Variants in ANO3 observed in about 807,000 individuals in gnomAD.
The protein encoded by ANO3 is anoctamin 3.
In ANO3, 99 loss-of-function variants were observed where a neutral mutation model predicts 144.8. The observed-to-expected ratio is 0.68, with a 90% CI of 0.58 to 0.81. The LOEUF is 0.81. Among genes scored for constraint, ANO3 ranks in the 30% least tolerant of loss-of-function variants. The probability of loss-of-function intolerance (pLI) is 0.00; values close to 1 mark genes in which losing one functional copy is unlikely to be tolerated. For synonymous variants in ANO3, 414 were observed against 392.6 expected (o/e 1.05, Z -0.64); for missense variants, 905 against 1,202.2 (o/e 0.75, Z 3.66).
At chr11:26,628,341 T>A (rs1852660977) in intron 18 of ANO3, among the ~76,000 whole-genome samples, 1 of 152,164 alleles carries the variant, frequency 6.6e-6, no homozygotes, top group South Asian at 2.1e-4. Context: ...AACAGAGAAA[T>A]TAACAGTAAA....
chr11:26,490,013 A>T (rs542828638), intron 4 of ANO3, among the ~76,000 whole-genome samples: 1 of 152,172 alleles, frequency 6.6e-6, no homozygotes. Context: ...TGAGGACATG[A>T]GATTTGGAGG....
intron 3 of ANO3, 22 bp downstream of exon 3, chr11:26,443,858 A>C (rs563199865): frequency 6.5e-7 from 1 of 1,536,294 alleles, no homozygotes; most frequent in South Asian, 1.2e-5. Context: ...ATCAGTATTT[A>C]CCTACTCCTT....
chr11:26,608,187 G>A (rs984473303), intron 17 of ANO3, among the ~76,000 whole-genome samples: 11 of 152,096 alleles, frequency 7.2e-5, no homozygotes, highest in African/African-American at 2.2e-4. Context: ...CAATGGTCAG[G>A]TCTCTCTTCT....
In ANO3 at chr11:26,598,902, G is replaced by A; in HGVS notation, c.1575G>A (p.Glu525=). The change falls in exon 16 of 27, where the codon GAG becomes GAA. Residue 525 remains glutamate (E), a synonymous_variant. Transcript: ENST00000256737. ...PQFEAKYYKM[E]IVNPITGKPE... is the part of the protein sequence containing the mutation. ...TTGAAGCCAAGTATTACAAGATGGA[G>A]ATTGTAAATCCCATCACGGGAAAAC... The A allele has an allele frequency of 6.2e-7, 1 of 1,613,858 alleles. No homozygotes were observed. Among genetic ancestry groups the A allele is most frequent in the Non-Finnish European group, 8.5e-7 (1 of 1,179,818 alleles).
chr11:26,295,244 T>C (rs978237049), intron 1 of ANO3, among the ~76,000 whole-genome samples: 7 of 152,204 alleles, frequency 4.6e-5, no homozygotes, highest in African/African-American at 1.7e-4. Flanking sequence ...CATTATTTTA[T>C]AACCCTCTTA....
At chr11:26,550,973 A>AT (rs1452770376) in intron 12 of ANO3, among the ~76,000 whole-genome samples, 2 of 151,850 alleles carry the variant, frequency 1.3e-5, no homozygotes, top group African/African-American at 4.8e-5. Context: ...GTGTGAGGTG[A>AT]TTTTTTATTG....
chr11:26,445,130 T>C (rs950779212), intron 3 of ANO3, among the ~76,000 whole-genome samples: 1 of 152,240 alleles, frequency 6.6e-6, no homozygotes, highest in African/African-American at 2.4e-5. Flanking sequence ...ATCTGAAATC[T>C]GAAGTGCTCC....
intron 1 of ANO3, among the ~76,000 whole-genome samples, chr11:26,244,948 A>C (rs1026663667): frequency 6.8e-6 from 1 of 147,660 alleles, no homozygotes; most frequent in African/African-American, 2.5e-5. Flanking sequence ...AGTTTTATTT[A>C]ATATAGAAGA....
intron 14 of ANO3, among the ~76,000 whole-genome samples, chr11:26,570,114 T>C (rs1231415352): frequency 6.6e-6 from 1 of 152,128 alleles, no homozygotes; most frequent in Non-Finnish European, 1.5e-5. Flanking sequence ...GATTCTAAAC[T>C]TTCCTGTATA....
chr11:26,477,905 C>T (rs293953), intron 4 of ANO3, among the ~76,000 whole-genome samples: 1 of 152,006 alleles, frequency 6.6e-6, no homozygotes, highest in Non-Finnish European at 1.5e-5. Flanking sequence ...GATATATGAA[C>T]AGGGATACTC....
At chr11:26,294,962 G>A (rs575313283) in intron 1 of ANO3, among the ~76,000 whole-genome samples, 1 of 152,154 alleles carries the variant, frequency 6.6e-6, no homozygotes, top group African/African-American at 2.4e-5. Flanking sequence ...GCAGTGGCAT[G>A]ATCTCTGCTC....
intron 14 of ANO3, among the ~76,000 whole-genome samples, chr11:26,581,813 T>C (rs1402169590): frequency 2.0e-4 from 31 of 151,742 alleles, no homozygotes; most frequent in African/African-American, 2.4e-5. Context: ...TTTATAAAAG[T>C]GAAACAATTG....
At chr11:26,407,079 T>TATATATAG (rs1857308395) in intron 1 of ANO3, among the ~76,000 whole-genome samples, 1 of 129,342 alleles carries the variant, frequency 7.7e-6, no homozygotes, top group South Asian at 2.5e-4. Context: ...TGTGTGTGTA[T>TATATATAG]ATATATATAT....
At chr11:26,604,559 T>C (rs1201902608) in intron 17 of ANO3, among the ~76,000 whole-genome samples, 2 of 152,196 alleles carry the variant, frequency 1.3e-5, no homozygotes, top group Non-Finnish European at 2.9e-5. Flanking sequence ...AGAATGTTTT[T>C]CCATTTATTT....
At chr11:26,368,272 A>G (rs1856148915) in intron 1 of ANO3, among the ~76,000 whole-genome samples, 1 of 152,192 alleles carries the variant, frequency 6.6e-6, no homozygotes, top group Non-Finnish European at 1.5e-5. Context: ...ATACATAATG[A>G]TAGATGGCTC....
chr11:26,418,249 G>T (rs1261882681), intron 1 of ANO3, among the ~76,000 whole-genome samples: 5 of 152,070 alleles, frequency 3.3e-5, no homozygotes, highest in Non-Finnish European at 7.4e-5. Flanking sequence ...GCTTAGACTA[G>T]TCAGGGTATG....
intron 4 of ANO3, among the ~76,000 whole-genome samples, chr11:26,476,357 G>T (rs1222465501): frequency 1.3e-5 from 2 of 152,086 alleles, no homozygotes; most frequent in African/African-American, 4.8e-5. Context: ...AGAAATGAAA[G>T]ATGAGAAGTC....
At chr11:26,329,809 TA>T (rs1404694623), upstream of ANO3, among the ~76,000 whole-genome samples, 35 of 135,154 alleles carry the variant, frequency 2.6e-4, no homozygotes, top group African/African-American at 7.9e-4. Flanking sequence ...TAGAGGGACT[TA>T]AATTTTTTTT....
intron 6 of ANO3, among the ~76,000 whole-genome samples, chr11:26,517,607 T>C (rs1861909647): frequency 6.6e-6 from 1 of 152,092 alleles, no homozygotes; most frequent in African/African-American, 2.4e-5. Context: ...TACACTGATG[T>C]GGAGCTTAAT....
Sources: gnomAD v4.1 joint callset for allele counts (sites outside exome capture counted in the v4.1 genomes callset) on GRCh38, gnomAD v4.1.1 for gene constraint, MANE v1.5 for transcripts, NCBI Gene and HGNC (gene_info 2026-07-23, HGNC 2026-07-21) for gene names.